The following LY75 variants were observed in gnomAD, a reference collection of about 807,000 sequenced individuals.
LY75 encodes the protein lymphocyte antigen 75.
A neutral mutation model predicts 231.7 loss-of-function variants in LY75; 185 were observed. The observed-to-expected ratio is 0.80, with a 90% CI of 0.71 to 0.90. The LOEUF (loss-of-function observed/expected upper bound fraction) is 0.90, where lower values mean the gene tolerates loss of function less well. LY75 is among the 40% of genes least tolerant of loss of function. The pLI is 0.00. For missense variants in LY75, 1,947 were observed against 2,050.2 expected (o/e 0.95, Z 0.97); for synonymous variants, 668 against 689.0 (o/e 0.97, Z 0.48).
intron 2 of LY75, among the ~76,000 whole-genome samples, chr2:159,897,475 G>GA (rs11430944): frequency 0.42 from 63,552 of 152,048 alleles, 15,784 homozygotes; most frequent in Non-Finnish European, 0.56. Context: ...TGATGAAAAG[G>GA]AAACCCTATC....
At chr2:159,874,604 T>C (rs879920595) in intron 12 of LY75, among the ~76,000 whole-genome samples, 7,382 of 126,150 alleles carry the variant, frequency 0.059, 1,658 homozygotes, top group East Asian at 0.16. Flanking sequence ...TATAAATATA[T>C]ATATTTTGTA....
At chr2:159,875,170 G>A (rs1441179729) in intron 12 of LY75, among the ~76,000 whole-genome samples, 1 of 151,542 alleles carries the variant, frequency 6.6e-6, no homozygotes, top group Non-Finnish European at 1.5e-5. Context: ...TGGCAGTATG[G>A]CATATAGTAC....
Position 159,819,935 on chromosome 2 carries a change from T to TG in LY75, c.3959-16_3959-15insC. ...AAGAGACTTATCTAGAGAAGAAACA[T>TG]TTTTTCCTATGCTTAGAGATTAAAT... On this transcript the variant is annotated splice_polypyrimidine_tract_variant and intron_variant, in intron 28 of 34. Coordinates refer to ENST00000263636, the MANE Select transcript of LY75 (RefSeq NM_002349.4). The TG allele has an allele frequency of 7.0e-7, 1 of 1,432,428 alleles. No homozygotes were observed. Among genetic ancestry groups the TG allele is most frequent in the East Asian group, 2.5e-5 (1 of 39,322 alleles). The allele number at this position is 1,432,428 out of a possible 1,614,324, so 88.7% of individuals were successfully genotyped here. A position where few individuals can be genotyped will look rare whatever the true frequency, so the allele number is the denominator to read the frequency against.
chr2:159,900,846 C>CT (rs890000880), intron 1 of LY75, among the ~76,000 whole-genome samples: 53 of 149,940 alleles, frequency 3.5e-4, no homozygotes, highest in East Asian at 2.1e-3. Flanking sequence ...ATCCTTCACA[C>CT]TTTTTTTTTT....
chr2:159,836,654 A>G (rs1201082449), intron 25 of LY75, among the ~76,000 whole-genome samples: 1 of 152,212 alleles, frequency 6.6e-6, no homozygotes, highest in South Asian at 2.1e-4. Flanking sequence ...TTAGTAAACC[A>G]TAAACAGCAA....
In LY75 at chr2:159,874,994, A is replaced by AAT. The variant is rs976411991; in HGVS notation, c.1974+448_1974+449dup. 5.6e-5 allele frequency among the ~76,000 whole-genome samples: 8 copies of AAT among 143,210 alleles called. No homozygotes were observed. The East Asian group carries it at 1.6e-3, about 29-fold the overall frequency. The allele number at this position is 143,210 out of a possible 152,430, so 94.0% of individuals were successfully genotyped here. A position where few individuals can be genotyped will look rare whatever the true frequency, so the allele number is the denominator to read the frequency against. ...TATATATATTGTAAATATGTTTATAAATATATATATTGTATATATAAATAT... is the reference window on the plus strand; with the variant it reads ...TATATATATTGTAAATATGTTTATAAATATATATATATTGTATATATAAATAT... On this transcript the variant is annotated intron_variant, in intron 12 of 34. Transcript: ENST00000263636.
rs1241976728 is a variant in LY75 at position 159,882,227 on chromosome 2, G to A, written c.1143C>T (p.Ser381=). ...FCYLLVNESN[S]WDKAHAKCKA... ...TGCATTTCGCATGTGCCTTATCCCAGGAATTACTTTCATTTACCAGCAGAT... is the reference window on the plus strand; with the variant it reads ...TGCATTTCGCATGTGCCTTATCCCAAGAATTACTTTCATTTACCAGCAGAT... The change falls in exon 7 of 35, where the codon TCC becomes TCT. Residue 381 remains serine (S), a synonymous_variant. Coordinates refer to ENST00000263636, the MANE Select transcript of LY75 (RefSeq NM_002349.4). 6.2e-7 allele frequency: 1 copy of A among 1,614,022 alleles called. No homozygotes were observed.
chr2:159,839,674 G>A (rs10929954), intron 25 of LY75, among the ~76,000 whole-genome samples: 129,865 of 152,124 alleles, frequency 0.85, 55,596 homozygotes, highest in Admixed American at 0.91. Flanking sequence ...ATGGGACTAC[G>A]GGTGTGCACC....
rs145505397 is a variant in LY75, at chr2:159,858,551, T to G, written c.2269-75A>C. On this transcript the variant is annotated intron_variant, in intron 15 of 34. Transcript: ENST00000263636. ...ATGGAACACTAAACTGTAAGCCCTA[T>G]GACTTTGATCTCTATTTTAGCTCTA... 8.6e-5 allele frequency: 127 copies of G among 1,468,680 alleles called. No individual in the cohort carries two copies. In the East Asian group the frequency reaches 1.4e-3, roughly 16 times the overall value. The allele number at this position is 1,468,680 out of a possible 1,614,324, so 91.0% of individuals were successfully genotyped here.
Position 159,840,333 on chromosome 2 carries a change from A to C in LY75, c.3507+396T>G, listed in dbSNP as rs577314520. On this transcript the variant is annotated intron_variant, in intron 25 of 34. Transcript: ENST00000263636. ...TGCTGGTAATCCCAGCACCTTTGGG[A>C]GGCCAAGGTGGGCAGAGTGCTTGAG... Among the ~76,000 whole-genome samples, 39 of 152,276 alleles carry C rather than the reference A, an allele frequency of 2.6e-4. 1 individual carries two copies. The highest frequency in any genetic ancestry group is 8.9e-4 in the African/African-American group (37 of 41,560).
chr2:159,863,288 T>C (rs1684767994), intron 14 of LY75, among the ~76,000 whole-genome samples: 1 of 152,116 alleles, frequency 6.6e-6, no homozygotes, highest in African/African-American at 2.4e-5. Flanking sequence ...TCTTAAACAT[T>C]CTCATTTCAC....
chr2:159,822,675 G>T (rs890977125), intron 28 of LY75, among the ~76,000 whole-genome samples: 6 of 152,208 alleles, frequency 3.9e-5, no homozygotes, highest in African/African-American at 1.2e-4. Flanking sequence ...TTCTGACTGG[G>T]AGACATCTCC....
At chr2:159,859,464 A>C (rs1040018857) in intron 15 of LY75, among the ~76,000 whole-genome samples, 21 of 152,132 alleles carry the variant, frequency 1.4e-4, no homozygotes, top group African/African-American at 4.1e-4. Context: ...AGTTCCTCCA[A>C]ATCCACTTCT....
chr2:159,874,931 T>C (rs1685212317), intron 12 of LY75, among the ~76,000 whole-genome samples: 1 of 138,696 alleles, frequency 7.2e-6, no homozygotes, highest in Non-Finnish European at 1.5e-5. Context: ...TATTTATAAA[T>C]ATATATATTG....
At chr2:159,891,704 CA>C (rs745442886) in intron 3 of LY75, among the ~76,000 whole-genome samples, 3 of 152,198 alleles carry the variant, frequency 2.0e-5, no homozygotes, top group Non-Finnish European at 4.4e-5. Flanking sequence ...CCTGTCAAGG[CA>C]GCAAGGTACA....
intron 33 of LY75, 129 bp from the exon 34 acceptor site, chr2:159,807,269 A>T: frequency 9.1e-7 from 1 of 1,099,354 alleles, no homozygotes; most frequent in Non-Finnish European, 1.2e-6. Context: ...AAAATGCATT[A>T]AAAATGAAAA....
intron 28 of LY75, among the ~76,000 whole-genome samples, chr2:159,821,889 G>A (rs1273637116): frequency 2.0e-5 from 3 of 152,184 alleles, no homozygotes; most frequent in East Asian, 3.9e-4. Context: ...CACAGAGGGC[G>A]AGCTGAAGCA....
At position 159,837,902 on chromosome 2, in the gene LY75, C is replaced by G. The variant is rs533943871; in HGVS notation, c.3508-2257G>C. ...AATTCTTGCTGTCCTCCCGGTCCTACCATTAACTTGGGATGCCTGTGTTCA... is the reference window on the plus strand; with the variant it reads ...AATTCTTGCTGTCCTCCCGGTCCTAGCATTAACTTGGGATGCCTGTGTTCA... On this transcript the variant is annotated intron_variant, in intron 25 of 34. Coordinates refer to ENST00000263636, the MANE Select transcript of LY75 (RefSeq NM_002349.4). 5.9e-5 allele frequency among the ~76,000 whole-genome samples: 9 copies of G among 152,286 alleles called. No individual in the cohort carries two copies. In the South Asian group the frequency reaches 1.9e-3, roughly 32 times the overall value.
intron 14 of LY75, among the ~76,000 whole-genome samples, chr2:159,864,600 T>G (rs1684804612): frequency 6.6e-6 from 1 of 152,136 alleles, no homozygotes. Flanking sequence ...TTGGTCTAAG[T>G]GTCTGTTTTT....
Sources: allele counts gnomAD v4.1 joint callset (sites outside exome capture counted in the v4.1 genomes callset), GRCh38; gene constraint gnomAD v4.1.1; transcripts MANE v1.5; gene names NCBI Gene and HGNC (gene_info 2026-07-23, HGNC 2026-07-21).